CDC37L1: variants seen among roughly 807,000 people sequenced by gnomAD.
The protein encoded by CDC37L1 is hsp90 co-chaperone Cdc37-like 1.
A neutral mutation model predicts 45.9 loss-of-function variants in CDC37L1; 32 were observed. That is an observed-to-expected ratio of 0.70 (90% CI 0.53 to 0.94). The LOEUF (loss-of-function observed/expected upper bound fraction) is 0.94, where lower values mean the gene tolerates loss of function less well. CDC37L1 is among the 40% of genes least tolerant of loss of function. The pLI is 0.00. For synonymous variants in CDC37L1, 150 were observed against 133.0 expected, an observed-to-expected ratio of 1.13 and a Z score of -0.88; for missense variants, 434 against 405.7, an observed-to-expected ratio of 1.07 and a Z score of -0.60.
chr9:4,680,723 T>A (rs189080647), intron 1 of CDC37L1, among the ~76,000 whole-genome samples: 1 of 152,338 alleles, frequency 6.6e-6, no homozygotes, highest in East Asian at 1.9e-4. Flanking sequence ...GGAAGTATAT[T>A]TCAGAATCAC....
intron 6 of CDC37L1, chr9:4,703,175 G>A: frequency 6.8e-7 from 1 of 1,467,136 alleles, no homozygotes; most frequent in Non-Finnish European, 9.1e-7. Context: ...AATGTGAGGA[G>A]AGTCCTATAT....
At chr9:4,691,804 T>G (rs899765387) in intron 3 of CDC37L1, among the ~76,000 whole-genome samples, 7 of 152,218 alleles carry the variant, frequency 4.6e-5, no homozygotes, top group African/African-American at 1.4e-4. Flanking sequence ...TCTGACTTTT[T>G]CCTCTACATT....
At chr9:4,704,912 C>T (rs976843121) in intron 6 of CDC37L1, among the ~76,000 whole-genome samples, 1 of 152,050 alleles carries the variant, frequency 6.6e-6, no homozygotes, top group South Asian at 2.1e-4. Context: ...CTCCTTGAGG[C>T]TTGCTTTACT....
chr9:4,694,071 G>A lies in CDC37L1; in HGVS notation c.509-3025G>A, dbSNP rs550567498. 8.5e-5 allele frequency among the ~76,000 whole-genome samples: 13 copies of A among 152,272 alleles called. No individual in the cohort carries two copies. The South Asian group carries it at 2.7e-3, about 32-fold the overall frequency. ...GAGGTATATGCTGTTCCACTGAGTT[G>A]TTGATTCTCCTTATGTGTTTTATTT... On this transcript the variant is annotated intron_variant, in intron 3 of 6. Coordinates refer to ENST00000381854, the MANE Select transcript of CDC37L1 (RefSeq NM_017913.4).
intron 1 of CDC37L1, among the ~76,000 whole-genome samples, chr9:4,683,079 AT>A (rs1163796048): frequency 1.4e-5 from 2 of 143,090 alleles, no homozygotes; most frequent in African/African-American, 5.1e-5. Flanking sequence ...TACTTTATAT[AT>A]TTTATATATA....
intron 5 of CDC37L1, among the ~76,000 whole-genome samples, chr9:4,699,579 A>G (rs553288827): frequency 7.2e-5 from 11 of 152,120 alleles, no homozygotes; most frequent in Non-Finnish European, 1.3e-4. Context: ...ATTTTTTTAT[A>G]AAGTATTTTT....
intron 6 of CDC37L1, chr9:4,703,103 C>A: frequency 2.6e-6 from 4 of 1,541,950 alleles, no homozygotes; most frequent in Non-Finnish European, 2.6e-6. Flanking sequence ...GATTTTAAGA[C>A]CAGCTTTAGC....
intron 1 of CDC37L1, among the ~76,000 whole-genome samples, chr9:4,681,364 G>A (rs1220561090): frequency 6.6e-6 from 1 of 152,148 alleles, no homozygotes; most frequent in Non-Finnish European, 1.5e-5. Flanking sequence ...ACTAGTTAGT[G>A]GCCAGGTTAA....
Position 4,706,150 on chromosome 9 carries a change from A to C in CDC37L1, c.*38A>C. On this transcript the variant is annotated 3_prime_UTR_variant, in exon 7 of 7. Coordinates refer to ENST00000381854, the MANE Select transcript of CDC37L1 (RefSeq NM_017913.4). ...TGCTGAGGCCAAGTGCTATTTTGTTACAAGAAAGGAAGAACTTGGCTATTT... is the reference window on the plus strand; with the variant it reads ...TGCTGAGGCCAAGTGCTATTTTGTTCCAAGAAAGGAAGAACTTGGCTATTT... 1.0e-6 allele frequency: 1 copy of C among 998,458 alleles called. No homozygotes were observed. The highest frequency in any genetic ancestry group is 1.3e-5 in the South Asian group (1 of 77,136). 61.8% of individuals were successfully genotyped at this position (998,458 alleles called of 1,614,324 possible). A position where few individuals can be genotyped will look rare whatever the true frequency, so the allele number is the denominator to read the frequency against.
chr9:4,689,447 A>G (rs12685561), intron 3 of CDC37L1, among the ~76,000 whole-genome samples: 21,415 of 151,886 alleles, frequency 0.14, 2,387 homozygotes, highest in African/African-American at 0.31. Flanking sequence ...TATTTACCCA[A>G]CGTTTTTTGA....
At chr9:4,689,408 C>G (rs180958779) in intron 3 of CDC37L1, among the ~76,000 whole-genome samples, 126 of 151,720 alleles carry the variant, frequency 8.3e-4, no homozygotes, top group Non-Finnish European at 1.2e-3. Context: ...TTTTACATGG[C>G]ATTTTGAAAT....
At chr9:4,683,087 T>G (rs1463439305) in intron 1 of CDC37L1, among the ~76,000 whole-genome samples, 3 of 144,108 alleles carry the variant, frequency 2.1e-5, no homozygotes, top group Non-Finnish European at 3.0e-5. Flanking sequence ...ATATTTTATA[T>G]ATATATTTTA....
chr9:4,692,976 G>C (rs143837107), intron 3 of CDC37L1, among the ~76,000 whole-genome samples: 1 of 152,128 alleles, frequency 6.6e-6, no homozygotes. Flanking sequence ...ATGGGTTTAC[G>C]TGCAGGCATA....
intron 5 of CDC37L1, among the ~76,000 whole-genome samples, chr9:4,700,874 A>AC (rs2130853581): frequency 6.6e-6 from 1 of 152,322 alleles, no homozygotes; most frequent in South Asian, 2.1e-4. Flanking sequence ...AAATCCCTAA[A>AC]CCTTAAGCAT....
intron 3 of CDC37L1, among the ~76,000 whole-genome samples, chr9:4,690,558 T>C (rs982096419): frequency 1.6e-4 from 24 of 152,226 alleles, no homozygotes; most frequent in African/African-American, 5.5e-4. Flanking sequence ...CCCCTGAATT[T>C]ATGAAACTAT....
At chr9:4,692,306 G>C (rs1380549713) in intron 3 of CDC37L1, among the ~76,000 whole-genome samples, 1 of 145,616 alleles carries the variant, frequency 6.9e-6, no homozygotes, top group East Asian at 2.0e-4. Context: ...TCTCGCTCTT[G>C]TCCCCCAGGC....
At chr9:4,682,717 C>T (rs570040334) in intron 1 of CDC37L1, among the ~76,000 whole-genome samples, 1 of 152,076 alleles carries the variant, frequency 6.6e-6, no homozygotes, top group Non-Finnish European at 1.5e-5. Flanking sequence ...AGGTAATCCG[C>T]CCGCCTCAGC....
chr9:4,706,251 T>C lies in CDC37L1; in HGVS notation c.*139T>C, dbSNP rs561935368. ...GGAGGGAAAGAGTACTGAAATGTTTTGTAAATTTTTTTTAATGTGCTGCTA... is the reference window on the plus strand; with the variant it reads ...GGAGGGAAAGAGTACTGAAATGTTTCGTAAATTTTTTTTAATGTGCTGCTA... On this transcript the variant is annotated 3_prime_UTR_variant, in exon 7 of 7. Transcript: ENST00000381854. 4.2e-6 allele frequency: 2 copies of C among 474,210 alleles called. No homozygotes were observed. Among genetic ancestry groups the C allele is most frequent in the African/African-American group, 1.9e-5 (1 of 51,686 alleles). 29.4% of individuals were successfully genotyped at this position (474,210 alleles called of 1,614,324 possible).
At chr9:4,699,327 A>G (rs186059613) in intron 5 of CDC37L1, among the ~76,000 whole-genome samples, 14 of 152,192 alleles carry the variant, frequency 9.2e-5, no homozygotes, top group African/African-American at 2.6e-4. Context: ...TGTGTTTTCA[A>G]TTTAGAGATC....
Sources: gnomAD v4.1 joint callset for allele counts (sites outside exome capture counted in the v4.1 genomes callset) on GRCh38, gnomAD v4.1.1 for gene constraint, MANE v1.5 for transcripts, NCBI Gene and HGNC (gene_info 2026-07-23, HGNC 2026-07-21) for gene names.